The following CLNK variants were observed in gnomAD, a reference collection of about 807,000 sequenced individuals.
CLNK encodes the protein cytokine-dependent hematopoietic cell linker.
CLNK carries 74 observed loss-of-function variants against 68.6 expected under a neutral mutation model. The ratio of observed to expected loss-of-function variants is 1.08; its 90% CI spans 0.89 to 1.31. CLNK has a LOEUF of 1.31. CLNK is among the 50% of genes most tolerant of loss of function. The probability of loss-of-function intolerance (pLI) is 0.00; values close to 1 mark genes in which losing one functional copy is unlikely to be tolerated. For synonymous variants in CLNK, 198 were observed against 172.2 expected, an observed-to-expected ratio of 1.15 and a Z score of -1.17; for missense variants, 553 against 515.3, an observed-to-expected ratio of 1.07 and a Z score of -0.71.
upstream of CLNK, among the ~76,000 whole-genome samples, chr4:10,689,149 C>T (rs566353399): frequency 1.4e-4 from 20 of 146,830 alleles, no homozygotes; most frequent in South Asian, 2.8e-3. Context: ...TTTTTTTTTT[C>T]GGGGGCGACG....
chr4:10,705,603 TG>T, the CLNK span, among the ~76,000 whole-genome samples: 242 of 152,342 alleles, frequency 1.6e-3, no homozygotes, highest in African/African-American at 5.7e-3. Context: ...TTTCTCATGT[TG>T]TATCACTCTC....
intron 2 of CLNK, among the ~76,000 whole-genome samples, chr4:10,640,577 G>A (rs1481303807): frequency 1.3e-5 from 2 of 152,186 alleles, no homozygotes; most frequent in Non-Finnish European, 1.5e-5. Flanking sequence ...TAACTGCTGT[G>A]CAACATTAAG....
Position 10,564,831 on chromosome 4 carries a change from CA to C in CLNK, c.293-55del, listed in dbSNP as rs1436798011. ...TACCTTACGTGGACTCAGCACATTA[CA>C]ATTTACAAAGTATTTGCACATCTAC... is the stretch of plus-strand genomic sequence containing the variant. On this transcript the variant is annotated intron_variant, in intron 6 of 18. Coordinates refer to ENST00000226951, the MANE Select transcript of CLNK (RefSeq NM_052964.4). 5 of 1,073,096 alleles carry C rather than the reference CA, an allele frequency of 4.7e-6. No homozygotes were observed. The East Asian group carries it at 7.2e-5, about 15-fold the overall frequency. 66.5% of individuals were successfully genotyped at this position (1,073,096 alleles called of 1,614,324 possible).
At chr4:10,667,053 C>T (rs549525002) in intron 2 of CLNK, among the ~76,000 whole-genome samples, 1 of 152,222 alleles carries the variant, frequency 6.6e-6, no homozygotes, top group South Asian at 2.1e-4. Context: ...TCAGATTCTG[C>T]TTTTCAAAGG....
chr4:10,693,550 C>T, the CLNK span, among the ~76,000 whole-genome samples: 1 of 152,190 alleles, frequency 6.6e-6, no homozygotes, highest in Non-Finnish European at 1.5e-5. Flanking sequence ...CCCCTAGATG[C>T]TTGGGAGGGA....
At chr4:10,671,015 G>A (rs1724608274) in intron 1 of CLNK, among the ~76,000 whole-genome samples, 1 of 152,206 alleles carries the variant, frequency 6.6e-6, no homozygotes, top group Admixed American at 6.5e-5. Context: ...AGTAGCTTTT[G>A]AGAGATGCAA....
intron 1 of CLNK, among the ~76,000 whole-genome samples, chr4:10,678,907 G>A (rs990305828): frequency 1.3e-5 from 2 of 152,036 alleles, no homozygotes; most frequent in African/African-American, 2.4e-5. Context: ...ATGGGTAGGA[G>A]GAATCAATAT....
chr4:10,694,514 T>C, the CLNK span, among the ~76,000 whole-genome samples: 2 of 152,204 alleles, frequency 1.3e-5, no homozygotes, highest in Admixed American at 1.3e-4. Flanking sequence ...AATACTATTA[T>C]GTTGTGATTT....
upstream of CLNK, among the ~76,000 whole-genome samples, chr4:10,686,625 C>T (rs1046851832): frequency 1.3e-5 from 2 of 150,214 alleles, no homozygotes; most frequent in African/African-American, 2.5e-5. Flanking sequence ...CCTCTGCTTG[C>T]ATCCTAGATG....
intron 2 of CLNK, among the ~76,000 whole-genome samples, chr4:10,611,113 A>T (rs1173359688): frequency 6.6e-6 from 1 of 152,162 alleles, no homozygotes; most frequent in African/African-American, 2.4e-5. Flanking sequence ...AGGTCAGGAG[A>T]TCAAGACCAT....
At chr4:10,580,645 A>G (rs1020541221) in intron 4 of CLNK, among the ~76,000 whole-genome samples, 8 of 152,076 alleles carry the variant, frequency 5.3e-5, no homozygotes, top group Admixed American at 5.2e-4. Flanking sequence ...GTAAAAAAAA[A>G]TAAAATAAAA....
intron 18 of CLNK, among the ~76,000 whole-genome samples, chr4:10,491,582 C>T (rs1015233786): frequency 8.5e-5 from 13 of 152,186 alleles, no homozygotes; most frequent in Admixed American, 3.9e-4. Context: ...GACAATTTAA[C>T]GGAAAGTAAG....
the CLNK span, among the ~76,000 whole-genome samples, chr4:10,699,484 C>A: frequency 2.2e-3 from 153 of 70,316 alleles, no homozygotes; most frequent in Non-Finnish European, 3.4e-3. Context: ...CTCTCTCTCT[C>A]TCTCTCTCTC....
At chr4:10,723,882 C>CAGAG in the CLNK span, among the ~76,000 whole-genome samples, 3,058 of 70,916 alleles carry the variant, frequency 0.043, 166 homozygotes, top group South Asian at 0.1. Flanking sequence ...ACACAGGAGT[C>CAGAG]AGAGAGAGAG....
rs540292186 is a variant in CLNK, at chr4:10,597,961, C to G, written c.83+17G>C. On this transcript the variant is annotated intron_variant, in intron 3 of 18. Coordinates refer to ENST00000226951, the MANE Select transcript of CLNK (RefSeq NM_052964.4). ...AAATTTTCACTCCTCTATTAATAAA[C>G]AAGTAAATATTCTGACCTGTTTTTT... is the stretch of plus-strand genomic sequence containing the variant. 6.5e-7 allele frequency: 1 copy of G among 1,528,816 alleles called. No homozygotes were observed. The highest frequency in any genetic ancestry group is 1.2e-5 in the South Asian group (1 of 82,756). 94.7% of individuals were successfully genotyped at this position (1,528,816 alleles called of 1,614,324 possible). A position where few individuals can be genotyped will look rare whatever the true frequency, so the allele number is the denominator to read the frequency against.
rs1384942876 is a variant in CLNK at position 10,558,422 on chromosome 4, T to G, written c.430A>C (p.Ser144Arg). 6.2e-7 allele frequency: 1 copy of G among 1,613,972 alleles called. No homozygotes were observed. The highest frequency in any genetic ancestry group is 2.2e-5 in the East Asian group (1 of 44,882). Reference sequence around the variant, plus strand: ...ATGACTTTACCTTTAATGTTTTGGCTTCTGACGTCCTTGGAAATGGGTTTG... The same window carrying G: ...ATGACTTTACCTTTAATGTTTTGGCGTCTGACGTCCTTGGAAATGGGTTTG... ...VDKPISKDVRSQNIKGDASVR... is the reference protein window; with the variant it reads ...VDKPISKDVRRQNIKGDASVR... The change falls in exon 8 of 19, where the codon AGC (serine) becomes CGC (arginine). Residue 144 changes from serine to arginine, a missense_variant. Transcript: ENST00000226951.
At chr4:10,659,865 T>C (rs1188813100) in intron 2 of CLNK, among the ~76,000 whole-genome samples, 1 of 152,222 alleles carries the variant, frequency 6.6e-6, no homozygotes, top group Non-Finnish European at 1.5e-5. Flanking sequence ...TAAAAACTTT[T>C]GGCAATCATT....
intron 5 of CLNK, among the ~76,000 whole-genome samples, chr4:10,568,884 T>C (rs1720229335): frequency 6.6e-6 from 1 of 152,206 alleles, no homozygotes; most frequent in Non-Finnish European, 1.5e-5. Context: ...AGCTGCCAAA[T>C]CTGTGGGGAT....
intron 2 of CLNK, among the ~76,000 whole-genome samples, chr4:10,646,058 A>G (rs560655963): frequency 1.3e-5 from 2 of 152,300 alleles, no homozygotes; most frequent in African/African-American, 4.8e-5. Flanking sequence ...AATGGAAGAA[A>G]GCCTGGAAAG....
Sources: gnomAD v4.1 joint callset for allele counts (sites outside exome capture counted in the v4.1 genomes callset) on GRCh38, gnomAD v4.1.1 for gene constraint, MANE v1.5 for transcripts, NCBI Gene and HGNC (gene_info 2026-07-23, HGNC 2026-07-21) for gene names.